The following ERMAP variants were observed in gnomAD, a reference collection of about 807,000 sequenced individuals.
ERMAP encodes erythroid membrane-associated protein.
ERMAP carries 34 observed loss-of-function variants against 49.5 expected under a neutral mutation model. That is an observed-to-expected ratio of 0.69 (90% confidence interval 0.52 to 0.91). The LOEUF is 0.91. Ranked by LOEUF, ERMAP falls within the 40% of genes least tolerant of loss-of-function variation. The probability of loss-of-function intolerance (pLI) is 0.00; values close to 1 mark genes in which losing one functional copy is unlikely to be tolerated. For synonymous variants in ERMAP, 214 were observed against 232.2 expected (o/e 0.92, Z 0.71); for missense variants, 541 against 582.6 (o/e 0.93, Z 0.74).
In ERMAP at chr1:42,832,179, A is replaced by ATTTT. The variant is rs75673269; in HGVS notation, c.433+1090_433+1093dup. Among the ~76,000 whole-genome samples the ATTTT allele has an allele frequency of 7.1e-4, 69 of 96,754 alleles. 3 individuals carry two copies. Among genetic ancestry groups the ATTTT allele is most frequent in the East Asian group, 1.8e-3 (4 of 2,266 alleles). The allele number at this position is 96,754 out of a possible 152,430, so 63.5% of individuals were successfully genotyped here. A position where few individuals can be genotyped will look rare whatever the true frequency, so the allele number is the denominator to read the frequency against. On this transcript the variant is annotated intron_variant, in intron 4 of 11. Transcript: ENST00000372517. Reference sequence around the variant, plus strand: ...TTGGAGTCCTTTGGGGTGAAAATTAATTTTTTTTTTTTTTTTTTTTTTTTT... The same window carrying ATTTT: ...TTGGAGTCCTTTGGGGTGAAAATTAATTTTTTTTTTTTTTTTTTTTTTTTTTTTT...
At chr1:42,839,473 G>A (rs374402086) in intron 8 of ERMAP, 1 of 169,484 alleles carries the variant, frequency 5.9e-6, no homozygotes, top group Non-Finnish European at 1.3e-5. Context: ...AGCTGGGTGT[G>A]GTGGTGCACG....
intron 2 of ERMAP, among the ~76,000 whole-genome samples, chr1:42,826,511 C>T (rs1428890208): frequency 6.6e-6 from 1 of 152,046 alleles, no homozygotes; most frequent in Non-Finnish European, 1.5e-5. Flanking sequence ...AAAGTCTTCC[C>T]ATTTTAAAGA....
chr1:42,830,344 G>C, intron 2 of ERMAP, 100 bp from the exon 3 acceptor site: 2 of 1,016,438 alleles, frequency 2.0e-6, no homozygotes, highest in South Asian at 2.7e-5. Flanking sequence ...TGTGATCCCA[G>C]AGCACCAGCA....
At chr1:42,833,409 CAT>C (rs766180580) in intron 4 of ERMAP, among the ~76,000 whole-genome samples, 12 of 152,176 alleles carry the variant, frequency 7.9e-5, no homozygotes, top group South Asian at 2.1e-4. Context: ...TATGTTTACA[CAT>C]GTGTATTCTT....
At position 42,843,746 on chromosome 1, in the gene ERMAP, G is replaced by A. The variant is rs75304294; in HGVS notation, c.*514G>A. On this transcript the variant is annotated 3_prime_UTR_variant, in exon 12 of 12. Coordinates refer to ENST00000372517, the MANE Select transcript of ERMAP (RefSeq NM_001017922.2). ...CACTCACTCTTTCCCTCTTTCTTCA[G>A]GAATGAATTGGGAAAGGCTGATGAG... The A allele has an allele frequency of 4.1e-6, 1 of 244,654 alleles. No homozygotes were observed. Among genetic ancestry groups the A allele is most frequent in the African/African-American group, 2.2e-5 (1 of 44,768 alleles). 15.2% of individuals were successfully genotyped at this position (244,654 alleles called of 1,614,324 possible).
At chr1:42,839,953 G>A (rs1655009189) in intron 8 of ERMAP, 80 bp from the exon 9 acceptor site, 4 of 1,375,128 alleles carry the variant, frequency 2.9e-6, no homozygotes, top group South Asian at 2.4e-5. Context: ...GCTCATGGTT[G>A]GGATGGGACT....
chr1:42,835,071 T>A lies in ERMAP; in HGVS notation c.467T>A (p.Val156Glu), dbSNP rs1396643733. ...PSVGSLSPSA[V>E]ALAVILPVLV... is the part of the protein sequence containing the mutation. ...GTGGGGAGTCTCTCCCCCTCAGCAG[T>A]GGCTCTGGCTGTGATCCTGCCTGTC... The change falls in exon 5 of 12, where the codon GTG (valine) becomes GAG (glutamate). Residue 156 changes from valine to glutamate, a missense_variant. Val to Glu is a moderately radical substitution (Grantham distance 121). Coordinates refer to ENST00000372517, the MANE Select transcript of ERMAP (RefSeq NM_001017922.2). The A allele has an allele frequency of 2.6e-6, 4 of 1,562,166 alleles. No homozygotes were observed. The highest frequency in any genetic ancestry group is 2.6e-6 in the Non-Finnish European group (3 of 1,132,352).
At chr1:42,829,778 T>G (rs1441843208) in intron 2 of ERMAP, 1 of 152,388 alleles carries the variant, frequency 6.6e-6, no homozygotes, top group African/African-American at 2.4e-5. Flanking sequence ...CTTCATAGAT[T>G]AAGAACCCGA....
Position 42,843,403 on chromosome 1 carries a change from C to T in ERMAP, c.*171C>T. ...TCCCAGGCCTCAGTTCTGAAGCTTA[C>T]CTTTCTTCTAAGGAATTGAAGCTCC... On this transcript the variant is annotated 3_prime_UTR_variant, in exon 12 of 12. Coordinates refer to ENST00000372517, the MANE Select transcript of ERMAP (RefSeq NM_001017922.2). 1.9e-6 allele frequency: 1 copy of T among 526,488 alleles called. No individual in the cohort carries two copies. Among genetic ancestry groups the T allele is most frequent in the Non-Finnish European group, 3.3e-6 (1 of 305,638 alleles). 32.6% of individuals were successfully genotyped at this position (526,488 alleles called of 1,614,324 possible). A position where few individuals can be genotyped will look rare whatever the true frequency, so the allele number is the denominator to read the frequency against.
chr1:42,830,423 G>A (rs1287137683), intron 2 of ERMAP, 21 bp from the exon 3 acceptor site: 5 of 1,611,400 alleles, frequency 3.1e-6, no homozygotes, highest in Middle Eastern at 1.6e-4. Flanking sequence ...CGCTTGTGCT[G>A]TCTCCCTCTG....
Position 42,843,859 on chromosome 1 carries a change from C to T in ERMAP, c.*627C>T. The T allele has an allele frequency of 2.5e-6, 1 of 392,836 alleles. No individual in the cohort carries two copies. Among genetic ancestry groups the T allele is most frequent in the Non-Finnish European group, 4.5e-6 (1 of 222,960 alleles). The allele number at this position is 392,836 out of a possible 1,614,324, so 24.3% of individuals were successfully genotyped here. ...GAGCTAATGTACATGCTTTCAAAAG[C>T]TAATCTGCCTGTTGATGGTAACTAG... On this transcript the variant is annotated 3_prime_UTR_variant, in exon 12 of 12. Transcript: ENST00000372517.
At chr1:42,835,619 C>G in intron 5 of ERMAP, 113 bp from the exon 6 acceptor site, 1 of 1,382,694 alleles carries the variant, frequency 7.2e-7, no homozygotes. Context: ...GCCCGCTTAC[C>G]TGTAGTGACA....
Position 42,830,842 on chromosome 1 carries a change from C to A in ERMAP, c.160C>A (p.Leu54Ile). The change falls in exon 4 of 12, where the codon CTC (leucine) becomes ATC (isoleucine). Residue 54 changes from leucine (L) to isoleucine (I), a missense_variant. Transcript: ENST00000372517. The stretch of plus-strand genomic sequence containing the variant: ...AGCCGAGCTGCTCTGCCCTCTCTCC[C>A]TCTGGCCCGGGACGGTACCCAAGGA... ...GTAELLCPLS[L>I]WPGTVPKEVR... 1 of 1,603,336 alleles carries A rather than the reference C, an allele frequency of 6.2e-7. No homozygotes were observed. The highest frequency in any genetic ancestry group is 2.3e-5 in the East Asian group (1 of 44,276).
In ERMAP at chr1:42,827,231, G is replaced by A. The variant is rs1275526433; in HGVS notation, c.-6+1493G>A. ...GTCATCCAGACTGGAGTGCAGGGGC[G>A]TGATCATGGCTCACTGCAGCCTTAA... is the stretch of plus-strand genomic sequence containing the variant. On this transcript the variant is annotated intron_variant, in intron 2 of 11. Coordinates refer to ENST00000372517, the MANE Select transcript of ERMAP (RefSeq NM_001017922.2). 3.9e-5 allele frequency among the ~76,000 whole-genome samples: 6 copies of A among 152,298 alleles called. No individual in the cohort carries two copies. The East Asian group carries it at 7.7e-4, about 20-fold the overall frequency.
At chr1:42,830,368 C>G in intron 2 of ERMAP, 76 bp from the exon 3 acceptor site, 16 of 1,338,004 alleles carry the variant, frequency 1.2e-5, no homozygotes, top group Non-Finnish European at 1.7e-5. Flanking sequence ...CCGTCTCGGC[C>G]TCGGCTCCTG....
At chr1:42,832,793 G>T (rs1179358595) in intron 4 of ERMAP, among the ~76,000 whole-genome samples, 1 of 152,260 alleles carries the variant, frequency 6.6e-6, no homozygotes, top group African/African-American at 2.4e-5. Flanking sequence ...CCCATTAGGA[G>T]GAGCGTGGGG....
chr1:42,835,824 C>T (rs1436371474), intron 6 of ERMAP, 60 bp downstream of exon 6: 3 of 1,569,852 alleles, frequency 1.9e-6, no homozygotes, highest in South Asian at 2.4e-5. Context: ...TTTCTGTGCC[C>T]CCCATACCCA....
At chr1:42,833,953 A>G (rs982005165) in intron 4 of ERMAP, among the ~76,000 whole-genome samples, 16 of 152,200 alleles carry the variant, frequency 1.1e-4, no homozygotes, top group African/African-American at 3.6e-4. Context: ...CTAGCCAGGC[A>G]TGGTGGCATG....
intron 3 of ERMAP, 92 bp downstream of exon 3, chr1:42,830,625 G>A: frequency 6.6e-7 from 1 of 1,504,704 alleles, no homozygotes; most frequent in African/African-American, 1.4e-5. Context: ...TATGTCTTTT[G>A]GGGTTCTGTT....
Sources: gnomAD v4.1 joint callset for allele counts (sites outside exome capture counted in the v4.1 genomes callset) on GRCh38, gnomAD v4.1.1 for gene constraint, MANE v1.5 for transcripts, NCBI Gene and HGNC (gene_info 2026-07-23, HGNC 2026-07-21) for gene names.